The following NTN1 variants were observed in gnomAD, a reference collection of about 807,000 sequenced individuals.
NTN1 encodes netrin 1.
In NTN1, 11 loss-of-function variants were observed where a neutral mutation model predicts 54.2. That is an observed-to-expected ratio of 0.20 (90% CI 0.13 to 0.34). The LOEUF is 0.34. Ranked by LOEUF, NTN1 falls within the 10% of genes least tolerant of loss-of-function variation. The pLI is 1.00. For missense variants in NTN1, 740 were observed against 893.1 expected, an observed-to-expected ratio of 0.83 and a Z score of 2.18; for synonymous variants, 371 against 382.0, an observed-to-expected ratio of 0.97 and a Z score of 0.33.
At chr17:9,077,755 C>T (rs531765190) in intron 2 of NTN1, among the ~76,000 whole-genome samples, 2 of 152,118 alleles carry the variant, frequency 1.3e-5, no homozygotes, top group South Asian at 4.2e-4. Context: ...ATGTATAAAC[C>T]ACCCATTTCT....
Position 9,211,507 on chromosome 17 carries a change from C to T in NTN1, c.1412-9661C>T, listed in dbSNP as rs1905106376. Among the ~76,000 whole-genome samples, 1 of 152,212 alleles carries T rather than the reference C, an allele frequency of 6.6e-6. No homozygotes were observed. Among genetic ancestry groups the T allele is most frequent in the South Asian group, 2.1e-4 (1 of 4,832 alleles). On this transcript the variant is annotated intron_variant, in intron 5 of 6. Coordinates refer to ENST00000173229, the MANE Select transcript of NTN1 (RefSeq NM_004822.3). This position sits in a 1 kb window ranked among gnomAD's most constrained non-coding sequence, Gnocchi z 4.4. ...ACTGCTCCATTAGCCTTGGGGATCA[C>T]CCAGTGCCTCCCAGAGCTGTTCATG...
intron 2 of NTN1, among the ~76,000 whole-genome samples, chr17:9,114,165 AAAT>A (rs1219233145): frequency 0.011 from 1,247 of 117,528 alleles, 24 homozygotes; most frequent in Admixed American, 0.044. Flanking sequence ...AAAAAAAAAA[AAAT>A]ATATATATAT....
intron 2 of NTN1, among the ~76,000 whole-genome samples, chr17:9,041,226 A>G (rs181059990): frequency 6.6e-6 from 1 of 152,320 alleles, no homozygotes; most frequent in Non-Finnish European, 1.5e-5. Context: ...ATGTCATACA[A>G]TTCACCCATG....
At chr17:9,194,690 A>C (rs1027693024) in intron 5 of NTN1, among the ~76,000 whole-genome samples, 3 of 152,246 alleles carry the variant, frequency 2.0e-5, no homozygotes, top group African/African-American at 7.2e-5. Flanking sequence ...CCTCTGGCTA[A>C]GAACCACTGG....
chr17:9,153,014 A>G (rs189889770), intron 2 of NTN1, among the ~76,000 whole-genome samples: 2 of 152,246 alleles, frequency 1.3e-5, no homozygotes, highest in Non-Finnish European at 2.9e-5. Flanking sequence ...CATGCCTGTA[A>G]TCCAAGCACT....
At chr17:9,142,051 C>T (rs577647816) in intron 2 of NTN1, among the ~76,000 whole-genome samples, 1 of 152,086 alleles carries the variant, frequency 6.6e-6, no homozygotes, top group South Asian at 2.1e-4. Context: ...CGCATGAACC[C>T]GGGAGGCGGA....
At chr17:9,059,056 C>G (rs2091988128) in intron 2 of NTN1, among the ~76,000 whole-genome samples, 1 of 152,212 alleles carries the variant, frequency 6.6e-6, no homozygotes, top group South Asian at 2.1e-4. Context: ...TAATTTCATA[C>G]ACGTAAAGTG....
intron 3 of NTN1, among the ~76,000 whole-genome samples, chr17:9,164,608 C>T (rs1348083613): frequency 6.6e-6 from 1 of 152,162 alleles, no homozygotes; most frequent in Non-Finnish European, 1.5e-5. Context: ...GAACACTTTT[C>T]TCAAAATAAA....
intron 5 of NTN1, among the ~76,000 whole-genome samples, chr17:9,190,326 C>T (rs532012054): frequency 9.7e-4 from 148 of 152,276 alleles, no homozygotes; most frequent in Non-Finnish European, 1.8e-3. Context: ...TCAGTTCGCC[C>T]AGAAATAATC....
At chr17:9,079,868 C>T (rs1047465733) in intron 2 of NTN1, among the ~76,000 whole-genome samples, 2 of 151,928 alleles carry the variant, frequency 1.3e-5, no homozygotes, top group African/African-American at 4.8e-5. Context: ...AGGTGGTTCC[C>T]CCTGGGAAGT....
intron 2 of NTN1, among the ~76,000 whole-genome samples, chr17:9,078,593 T>C (rs1371886692): frequency 6.6e-6 from 1 of 152,268 alleles, no homozygotes; most frequent in Non-Finnish European, 1.5e-5. Context: ...TGAGGTTTTA[T>C]GTTCCAGAAC....
At chr17:9,177,537 A>C (rs1370758540) in intron 3 of NTN1, 3 of 152,210 alleles carry the variant, frequency 2.0e-5, no homozygotes, top group African/African-American at 7.2e-5. Flanking sequence ...GGAGGGGAGA[A>C]TGTCTTGGCA....
rs1567743007 is a variant in NTN1 at position 9,221,158 on chromosome 17, C to CT, written c.1412-10_1412-9insT. Reference sequence around the variant, plus strand: ...GTTTTTGTCTGTGCTCCCCCCCCACCCCCCTGCAGACTGCGATTCCTACTG... The same window carrying CT: ...GTTTTTGTCTGTGCTCCCCCCCCACCTCCCCTGCAGACTGCGATTCCTACTG... On this transcript the variant is annotated splice_polypyrimidine_tract_variant and intron_variant, in intron 5 of 6. Transcript: ENST00000173229. This position sits in a 1 kb window ranked among gnomAD's most constrained non-coding sequence, Gnocchi z 4.5. 6.3e-7 allele frequency: 1 copy of CT among 1,575,944 alleles called. No homozygotes were observed. The highest frequency in any genetic ancestry group is 1.7e-5 in the Admixed American group (1 of 59,762).
chr17:9,082,662 C>T (rs919153981), intron 2 of NTN1, among the ~76,000 whole-genome samples: 120 of 150,358 alleles, frequency 8.0e-4, no homozygotes, highest in Non-Finnish European at 1.1e-3. Flanking sequence ...AGGAGGTCTG[C>T]GTTACTCTAC....
At chr17:9,154,077 G>A (rs959841548) in intron 2 of NTN1, among the ~76,000 whole-genome samples, 1 of 152,240 alleles carries the variant, frequency 6.6e-6, no homozygotes, top group Non-Finnish European at 1.5e-5. Context: ...ATCCAGTCTC[G>A]TGACTCCCTC....
upstream of NTN1, among the ~76,000 whole-genome samples, chr17:9,020,084 G>A (rs937877119): frequency 6.6e-5 from 10 of 152,214 alleles, no homozygotes; most frequent in African/African-American, 2.4e-4. Flanking sequence ...GGAGGCTGGG[G>A]AAGGCCTTCT....
At chr17:9,030,266 A>G (rs978934219) in intron 2 of NTN1, among the ~76,000 whole-genome samples, 1 of 152,214 alleles carries the variant, frequency 6.6e-6, no homozygotes, top group Non-Finnish European at 1.5e-5. Context: ...CTCCGAGGAG[A>G]AAGGGGTACC....
At chr17:9,210,407 G>T (rs1905068776) in intron 5 of NTN1, among the ~76,000 whole-genome samples, 1 of 147,884 alleles carries the variant, frequency 6.8e-6, no homozygotes, top group African/African-American at 2.5e-5. Context: ...CACACACACA[G>T]GCACATGTGC....
chr17:9,236,124 T>TG (rs61364982), intron 6 of NTN1, among the ~76,000 whole-genome samples: 19,018 of 89,832 alleles, frequency 0.21, 1,308 homozygotes, highest in South Asian at 0.3. Context: ...CATAAGAATT[T>TG]GGGGGGGGGG....
Sources: allele counts gnomAD v4.1 joint callset (sites outside exome capture counted in the v4.1 genomes callset), GRCh38; gene constraint gnomAD v4.1.1; non-coding constraint Gnocchi (gnomAD v3.1); transcripts MANE v1.5; gene names NCBI Gene and HGNC (gene_info 2026-07-23, HGNC 2026-07-21).